Variants in SCGB2B2 observed in about 807,000 individuals in gnomAD.
The protein encoded by SCGB2B2 is secretoglobin family 2B member 2, also known as secretoglobin-like protein.
A neutral mutation model predicts 7.6 loss-of-function variants in SCGB2B2; 11 were observed. The ratio of observed to expected loss-of-function variants is 1.45; its 90% confidence interval spans 0.91 to 2.40. The LOEUF (loss-of-function observed/expected upper bound fraction) is 2.40. Ranked by LOEUF, SCGB2B2 falls within the 30% of genes most tolerant of loss-of-function variation. The pLI is 0.00. For missense variants in SCGB2B2, 104 were observed against 115.4 expected (o/e 0.90, Z 0.45); for synonymous variants, 50 against 48.6 (o/e 1.03, Z -0.12).
chr19:34,594,119 G>A, intron 3 of SCGB2B2, 56 bp downstream of exon 3: 1 of 1,419,904 alleles, frequency 7.0e-7, no homozygotes, highest in Non-Finnish European at 9.9e-7. Flanking sequence ...GCAGGGAAGT[G>A]CAAGCCTGGG....
At chr19:34,653,531 A>G (rs1233219820) in intron 1 of SCGB2B2, among the ~76,000 whole-genome samples, 1 of 151,154 alleles carries the variant, frequency 6.6e-6, no homozygotes, top group Non-Finnish European at 1.5e-5. Context: ...AGAAGAAAAG[A>G]AAAAAAGCTA....
intron 1 of SCGB2B2, among the ~76,000 whole-genome samples, chr19:34,668,745 T>TG (rs1170996622): frequency 2.6e-5 from 4 of 152,162 alleles, no homozygotes; most frequent in Non-Finnish European, 5.9e-5. Flanking sequence ...GGTGGGGACT[T>TG]GGAGAACCTT....
chr19:34,670,079 C>T (rs2067762785), intron 1 of SCGB2B2, among the ~76,000 whole-genome samples: 1 of 151,966 alleles, frequency 6.6e-6, no homozygotes. Flanking sequence ...GAGATATTGG[C>T]GTGGGGTGTG....
chr19:34,588,029 T>C (rs1329973291), downstream of SCGB2B2, among the ~76,000 whole-genome samples: 1 of 152,198 alleles, frequency 6.6e-6, no homozygotes, highest in Non-Finnish European at 1.5e-5. Flanking sequence ...ATCCGGATAA[T>C]GGTGGCCTTG....
intron 1 of SCGB2B2, among the ~76,000 whole-genome samples, chr19:34,626,832 G>GA (rs1481489522): frequency 4.6e-5 from 7 of 152,210 alleles, no homozygotes; most frequent in South Asian, 4.1e-4. Flanking sequence ...TGAAATGAAG[G>GA]AAAAAATGTT....
chr19:34,611,712 C>T (rs185454883), intron 1 of SCGB2B2, among the ~76,000 whole-genome samples: 1,698 of 149,600 alleles, frequency 0.011, 20 homozygotes, highest in Non-Finnish European at 0.018. Context: ...TGCAGTGGCA[C>T]GATCTTGGCT....
At chr19:34,586,854 C>T (rs56113475), downstream of SCGB2B2, among the ~76,000 whole-genome samples, 15,359 of 152,190 alleles carry the variant, frequency 0.1, 1,031 homozygotes, top group East Asian at 0.28. Flanking sequence ...GATACCATTG[C>T]GTTTTCTAGA....
rs1209403913 is a variant in SCGB2B2, at chr19:34,595,425, A to C, written c.-862T>G. On this transcript the variant is annotated 5_prime_UTR_variant, in exon 2 of 4. Transcript: ENST00000601241. Reference sequence around the variant, plus strand: ...GCATAATCTATAGCAATAGCAGTTTAAATGAGTCTCCTTTGTGCTCAAACA... The same window carrying C: ...GCATAATCTATAGCAATAGCAGTTTCAATGAGTCTCCTTTGTGCTCAAACA... 4 of 152,688 alleles carry C rather than the reference A, an allele frequency of 2.6e-5. No individual in the cohort carries two copies. The highest frequency in any genetic ancestry group is 5.9e-5 in the Non-Finnish European group (4 of 68,050). The allele number at this position is 152,688 out of a possible 1,614,324, so 9.5% of individuals were successfully genotyped here.
chr19:34,670,036 T>C (rs576996640), intron 1 of SCGB2B2, among the ~76,000 whole-genome samples: 1 of 152,098 alleles, frequency 6.6e-6, no homozygotes, highest in Non-Finnish European at 1.5e-5. Context: ...TCTGGTTACC[T>C]GGTACCTGGT....
chr19:34,617,889 G>C (rs1480881713), intron 1 of SCGB2B2, among the ~76,000 whole-genome samples: 3 of 152,170 alleles, frequency 2.0e-5, no homozygotes, highest in Admixed American at 6.5e-5. Context: ...GGAGTGACCC[G>C]ATTTTCCAGG....
intron 1 of SCGB2B2, among the ~76,000 whole-genome samples, chr19:34,624,596 AAAGG>A (rs1173300044): frequency 1.3e-5 from 2 of 152,170 alleles, no homozygotes; most frequent in Non-Finnish European, 2.9e-5. Context: ...AAAAGAAAAG[AAAGG>A]AAGAAAATGT....
At chr19:34,664,345 C>CACT (rs2067551357) in intron 1 of SCGB2B2, among the ~76,000 whole-genome samples, 1 of 152,220 alleles carries the variant, frequency 6.6e-6, no homozygotes, top group Admixed American at 6.5e-5. Context: ...CCAACAGCAC[C>CACT]ACTGGGTCCC....
chr19:34,625,466 G>C (rs954840501), intron 1 of SCGB2B2, among the ~76,000 whole-genome samples: 72 of 152,352 alleles, frequency 4.7e-4, no homozygotes, highest in African/African-American at 1.7e-3. Flanking sequence ...CACACCAGGA[G>C]ATTATATCCC....
chr19:34,659,356 T>C (rs1312963676), intron 1 of SCGB2B2, among the ~76,000 whole-genome samples: 1 of 152,192 alleles, frequency 6.6e-6, no homozygotes, highest in African/African-American at 2.4e-5. Flanking sequence ...ATTGTCCCTG[T>C]TTGCAGATGA....
rs2067500598 is a variant in SCGB2B2, at chr19:34,662,911, G to A, written c.-2032+12719C>T. Among the ~76,000 whole-genome samples the A allele has an allele frequency of 2.6e-5, 4 of 152,118 alleles. No individual in the cohort carries two copies. The South Asian group carries it at 8.3e-4, about 32-fold the overall frequency. On this transcript the variant is annotated intron_variant, in intron 1 of 3. Transcript: ENST00000601241. The stretch of plus-strand genomic sequence containing the variant: ...ATGCCACTGTACTTTAGCCTGGGCG[G>A]CTGAGAGAGACCCTGTCTCCAAAAA...
intron 1 of SCGB2B2, among the ~76,000 whole-genome samples, chr19:34,664,028 C>A (rs1260472366): frequency 1.3e-5 from 2 of 150,718 alleles, no homozygotes; most frequent in East Asian, 4.0e-4. Context: ...CCCCACTCAG[C>A]ACGCTGTTGA....
chr19:34,655,294 G>C (rs1006334299), intron 1 of SCGB2B2, among the ~76,000 whole-genome samples: 2 of 130,160 alleles, frequency 1.5e-5, no homozygotes, highest in African/African-American at 2.8e-5. Flanking sequence ...CCTTAAGTCT[G>C]ATAAGAAACA....
rs3055684 is a variant in SCGB2B2 at position 34,594,652 on chromosome 19, CGTGTGTGTGTGTGTGTGTGTGTGTGTGT to C, written c.-117_-90del. On this transcript the variant is annotated 5_prime_UTR_variant, in exon 2 of 4. It removes the in-frame stop codon of an upstream open reading frame in the 5' UTR. Transcript: ENST00000601241. ...TATCTGAACAAGGCACATGCCTCTT[CGTGTGTGTGTGTGTGTGTGTGTGTGTGT>C]GTGTGTGTGTGTGTGTGTGTGTGAA... is the stretch of plus-strand genomic sequence containing the variant. 44 of 659,426 alleles carry C rather than the reference CGTGTGTGTGTGTGTGTGTGTGTGTGTGT, an allele frequency of 6.7e-5. No individual in the cohort carries two copies. Among genetic ancestry groups the C allele is most frequent in the Non-Finnish European group, 1.0e-4 (37 of 366,442 alleles). 40.8% of individuals were successfully genotyped at this position (659,426 alleles called of 1,614,324 possible).
rs1326408093 is a variant in SCGB2B2 at position 34,672,138 on chromosome 19, A to G, written c.-2032+3492T>C. Among the ~76,000 whole-genome samples, 5 of 152,294 alleles carry G rather than the reference A, an allele frequency of 3.3e-5. No homozygotes were observed. In the East Asian group the frequency reaches 9.6e-4, roughly 29 times the overall value. ...GTGGGGTGTAAAAATAAATAATTAA[A>G]TGAATAAATGAATAAATAAATAAAT... is the stretch of plus-strand genomic sequence containing the variant. On this transcript the variant is annotated intron_variant, in intron 1 of 3. Coordinates refer to ENST00000601241, the MANE Select transcript of SCGB2B2 (RefSeq NM_001025591.4).
Sources: gnomAD v4.1 joint callset for allele counts (sites outside exome capture counted in the v4.1 genomes callset) on GRCh38, gnomAD v4.1.1 for gene constraint, MANE v1.5 for transcripts, NCBI Gene and HGNC (gene_info 2026-07-23, HGNC 2026-07-21) for gene names.